Variants in RFWD3 observed in about 807,000 individuals in gnomAD.
RFWD3 encodes E3 ubiquitin-protein ligase RFWD3.
A neutral mutation model predicts 87.7 loss-of-function variants in RFWD3; 65 were observed. The observed-to-expected ratio is 0.74, with a 90% CI of 0.61 to 0.91. RFWD3 has a LOEUF of 0.91. RFWD3 is among the 40% of genes least tolerant of loss of function. RFWD3 has a pLI of 0.00. For missense variants in RFWD3, 1,078 were observed against 938.5 expected (o/e 1.15, Z -1.94); for synonymous variants, 433 against 352.8 (o/e 1.23, Z -2.55).
chr16:74,654,891 A>T (rs977342305), intron 2 of RFWD3, among the ~76,000 whole-genome samples: 1 of 152,152 alleles, frequency 6.6e-6, no homozygotes, highest in African/African-American at 2.4e-5. Flanking sequence ...GAAGGCCCCA[A>T]CTCTCTTTAA....
At chr16:74,642,784 C>A (rs1362809074) in intron 6 of RFWD3, among the ~76,000 whole-genome samples, 1 of 152,202 alleles carries the variant, frequency 6.6e-6, no homozygotes, top group African/African-American at 2.4e-5. Flanking sequence ...TGAGCCACTA[C>A]ACCCAGCCTA....
intron 4 of RFWD3, among the ~76,000 whole-genome samples, chr16:74,646,565 ATCATGAAG>A (rs1960162803): frequency 6.6e-6 from 1 of 152,118 alleles, no homozygotes; most frequent in Non-Finnish European, 1.5e-5. Flanking sequence ...AGGCAGGCGG[ATCATGAAG>A]TCAGGAGATC....
chr16:74,639,550 T>C (rs1233171999), intron 6 of RFWD3, among the ~76,000 whole-genome samples: 4 of 152,192 alleles, frequency 2.6e-5, no homozygotes, highest in Admixed American at 1.3e-4. Context: ...AATGGAAGGA[T>C]ATTACATAAT....
chr16:74,662,502 T>G (rs1423442026), intron 1 of RFWD3, among the ~76,000 whole-genome samples: 1 of 152,130 alleles, frequency 6.6e-6, no homozygotes, highest in African/African-American at 2.4e-5. Context: ...AATTATAGAT[T>G]ATGATGTTTG....
intron 4 of RFWD3, among the ~76,000 whole-genome samples, chr16:74,645,214 T>C (rs1960026980): frequency 6.6e-6 from 1 of 152,244 alleles, no homozygotes; most frequent in South Asian, 2.1e-4. Context: ...GTAAATGAGA[T>C]ATGGACATGC....
Position 74,623,736 on chromosome 16 carries a change from T to C in RFWD3, c.*192A>G. ...GATAAAGTACCCATCAATTACTCTT[T>C]TAGTGGACATAACAGATACACAATC... On this transcript the variant is annotated 3_prime_UTR_variant, in exon 13 of 13. Coordinates refer to ENST00000361070, the MANE Select transcript of RFWD3 (RefSeq NM_018124.4). 1 of 551,332 alleles carries C rather than the reference T, an allele frequency of 1.8e-6. No individual in the cohort carries two copies. The highest frequency in any genetic ancestry group is 3.2e-6 in the Non-Finnish European group (1 of 315,764). The allele number at this position is 551,332 out of a possible 1,614,324, so 34.2% of individuals were successfully genotyped here. A position where few individuals can be genotyped will look rare whatever the true frequency, so the allele number is the denominator to read the frequency against.
chr16:74,655,401 G>A (rs1483473388), intron 2 of RFWD3, among the ~76,000 whole-genome samples: 1 of 151,788 alleles, frequency 6.6e-6, no homozygotes, highest in African/African-American at 2.4e-5. Flanking sequence ...CACCACGCCT[G>A]GCTAATTTTT....
At chr16:74,632,397 A>G in intron 9 of RFWD3, 126 bp downstream of exon 9, 1 of 1,154,936 alleles carries the variant, frequency 8.7e-7, no homozygotes, top group Non-Finnish European at 1.2e-6. Context: ...ATCTCAAAAA[A>G]ACAAAACAAA....
At chr16:74,630,630 G>A in intron 10 of RFWD3, 151 bp downstream of exon 10, 1 of 562,298 alleles carries the variant, frequency 1.8e-6, no homozygotes, top group Non-Finnish European at 3.0e-6. Flanking sequence ...TAATAAGAAT[G>A]TTATTGATTC....
At chr16:74,657,295 G>C (rs528335202) in intron 2 of RFWD3, among the ~76,000 whole-genome samples, 1 of 152,274 alleles carries the variant, frequency 6.6e-6, no homozygotes, top group East Asian at 1.9e-4. Flanking sequence ...AGAGCTCAAT[G>C]AGATTCGGCT....
chr16:74,633,961 G>T (rs1242622724), intron 8 of RFWD3, among the ~76,000 whole-genome samples: 3 of 150,552 alleles, frequency 2.0e-5, no homozygotes, highest in Non-Finnish European at 2.9e-5. Flanking sequence ...ATCCAGCCTG[G>T]AAGACAGAAC....
At chr16:74,653,428 T>A (rs1393903344) in intron 2 of RFWD3, among the ~76,000 whole-genome samples, 1 of 144,778 alleles carries the variant, frequency 6.9e-6, no homozygotes, top group African/African-American at 2.6e-5. Flanking sequence ...CCACAGAGAG[T>A]GAGCGAGCTA....
chr16:74,632,721 G>A (rs776938376), intron 8 of RFWD3, 48 bp from the exon 9 acceptor site: 3 of 1,577,846 alleles, frequency 1.9e-6, no homozygotes, highest in South Asian at 2.3e-5. Context: ...AGTGAACCTA[G>A]GGCAATTCAA....
Position 74,650,856 on chromosome 16 carries a change from G to T in RFWD3, c.721+1064C>A, listed in dbSNP as rs572996784. Among the ~76,000 whole-genome samples, 54 of 150,854 alleles carry T rather than the reference G, an allele frequency of 3.6e-4. 1 individual carries two copies. Among genetic ancestry groups the T allele is most frequent in the African/African-American group, 1.2e-3 (51 of 41,016 alleles). On this transcript the variant is annotated intron_variant, in intron 3 of 12. Transcript: ENST00000361070. ...CGTGCCACTGCACTCCAACCTGGGGGACAGAGTGTAACCCTGTCTCAAAAA... is the reference window on the plus strand; with the variant it reads ...CGTGCCACTGCACTCCAACCTGGGGTACAGAGTGTAACCCTGTCTCAAAAA...
At chr16:74,662,301 CTTAA>C (rs1227941358) in intron 1 of RFWD3, among the ~76,000 whole-genome samples, 4 of 152,054 alleles carry the variant, frequency 2.6e-5, no homozygotes, top group Admixed American at 1.3e-4. Context: ...AACTTATCCC[CTTAA>C]TTACTTTGTG....
At chr16:74,642,907 T>C (rs1959784226) in intron 6 of RFWD3, among the ~76,000 whole-genome samples, 1 of 152,234 alleles carries the variant, frequency 6.6e-6, no homozygotes, top group Non-Finnish European at 1.5e-5. Context: ...CTCTTCACTT[T>C]TTCTAATGAG....
At chr16:74,642,503 T>G (rs1450251458) in intron 6 of RFWD3, among the ~76,000 whole-genome samples, 1 of 150,846 alleles carries the variant, frequency 6.6e-6, no homozygotes, top group Non-Finnish European at 1.5e-5. Context: ...GTCAACAGAT[T>G]TATCTTTATT....
At chr16:74,636,721 T>C in intron 7 of RFWD3, 144 bp from the exon 8 acceptor site, 1 of 512,030 alleles carries the variant, frequency 2.0e-6, no homozygotes, top group South Asian at 2.7e-5. Flanking sequence ...AGAGTTTTTG[T>C]TTTTTTTTTT....
At chr16:74,666,506 C>T (rs1194677366) in intron 1 of RFWD3, 1 of 152,234 alleles carries the variant, frequency 6.6e-6, no homozygotes, top group African/African-American at 2.4e-5. Context: ...AGGGCAGGCC[C>T]CGCAGCAGCG....
Sources: allele counts gnomAD v4.1 joint callset (sites outside exome capture counted in the v4.1 genomes callset), GRCh38; gene constraint gnomAD v4.1.1; transcripts MANE v1.5; gene names NCBI Gene and HGNC (gene_info 2026-07-23, HGNC 2026-07-21).